Variants in ITPR2 observed in about 807,000 individuals in gnomAD.
The protein encoded by ITPR2 is inositol 1,4,5-trisphosphate receptor type 2, also known as inositol 1,4,5-trisphosphate-gated calcium channel ITPR2.
In ITPR2, 207 loss-of-function variants were observed where a neutral mutation model predicts 317.1. The observed-to-expected ratio is 0.65, with a 90% CI of 0.58 to 0.73. The LOEUF (loss-of-function observed/expected upper bound fraction) is 0.73. Ranked by LOEUF, ITPR2 falls within the 30% of genes least tolerant of loss-of-function variation. The probability of loss-of-function intolerance (pLI) is 0.00; values close to 1 mark genes in which losing one functional copy is unlikely to be tolerated. For missense variants in ITPR2, 2,613 were observed against 3,284.0 expected (o/e 0.80, Z 4.99); for synonymous variants, 1,156 against 1,149.1 (o/e 1.01, Z -0.12).
intron 37 of ITPR2, among the ~76,000 whole-genome samples, chr12:26,516,712 T>A (rs543315077): frequency 6.6e-6 from 1 of 151,934 alleles, no homozygotes; most frequent in Non-Finnish European, 1.5e-5. Context: ...GAAGAAATTG[T>A]GGAAAAAATA....
chr12:26,699,012 T>TA lies in ITPR2; in HGVS notation c.952-3363dup, dbSNP rs202185144. Among the ~76,000 whole-genome samples, 134 of 151,380 alleles carry TA rather than the reference T, an allele frequency of 8.9e-4. 1 individual carries two copies. The East Asian group carries it at 0.022, about 25-fold the overall frequency. ...AAAAATTTCAACTTTTCTTTTAAAT[T>TA]AAAAAAAATCCATCCTAAAATTTTA... On this transcript the variant is annotated intron_variant, in intron 9 of 56. Transcript: ENST00000381340.
intron 2 of ITPR2, among the ~76,000 whole-genome samples, chr12:26,774,010 T>TTTTTTTC (rs150425593): frequency 8.9e-6 from 1 of 112,112 alleles, no homozygotes; most frequent in Non-Finnish European, 1.9e-5. Flanking sequence ...TTTTTTTTTT[T>TTTTTTTC]AGTATAAAGC....
chr12:26,475,447 T>A (rs767231743), intron 44 of ITPR2, 29 bp from the exon 45 acceptor site: 3 of 1,600,024 alleles, frequency 1.9e-6, no homozygotes, highest in African/African-American at 2.7e-5. Context: ...AATATTGAAA[T>A]GCCAGAAACA....
chr12:26,555,711 G>A lies in ITPR2; in HGVS notation c.4964+522C>T, dbSNP rs114056581. 6.0e-3 allele frequency among the ~76,000 whole-genome samples: 920 copies of A among 152,180 alleles called. 12 individuals carry two copies. The highest frequency in any genetic ancestry group is 0.021 in the African/African-American group (886 of 41,536). On this transcript the variant is annotated intron_variant, in intron 36 of 56. Coordinates refer to ENST00000381340, the MANE Select transcript of ITPR2 (RefSeq NM_002223.4). ...ATCCAGGCAGCATGGCCATGTGCGG[G>A]GTCTGAGTCTTACTAACCCTGCACC... is the stretch of plus-strand genomic sequence containing the variant.
chr12:26,655,691 T>G lies in ITPR2; in HGVS notation c.2589+17A>C, dbSNP rs771040312. The G allele has an allele frequency of 3.7e-6, 6 of 1,607,202 alleles. No homozygotes were observed. Among genetic ancestry groups the G allele is most frequent in the Non-Finnish European group, 5.1e-6 (6 of 1,175,326 alleles). Reference sequence around the variant, plus strand: ...CCCAGTTACCAAAACATCCTAAATATTAGAGGGACAAAGTACCTCAAATGT... The same window carrying G: ...CCCAGTTACCAAAACATCCTAAATAGTAGAGGGACAAAGTACCTCAAATGT... On this transcript the variant is annotated intron_variant, in intron 20 of 56. Transcript: ENST00000381340.
chr12:26,719,602 C>T (rs1948798956), intron 5 of ITPR2, among the ~76,000 whole-genome samples: 1 of 152,154 alleles, frequency 6.6e-6, no homozygotes, highest in South Asian at 2.1e-4. Flanking sequence ...GCTAGAAATT[C>T]AACACTTTTT....
intron 13 of ITPR2, among the ~76,000 whole-genome samples, chr12:26,672,513 A>G (rs1220523769): frequency 2.0e-5 from 3 of 151,470 alleles, no homozygotes; most frequent in Non-Finnish European, 4.4e-5. Context: ...GAGAACAAAG[A>G]CACAACATAC....
chr12:26,678,585 C>T (rs1184840665), intron 13 of ITPR2, among the ~76,000 whole-genome samples: 4 of 152,110 alleles, frequency 2.6e-5, no homozygotes, highest in African/African-American at 4.8e-5. Flanking sequence ...TCAACTCTGC[C>T]AATAAGCTCT....
intron 52 of ITPR2, chr12:26,406,440 T>G (rs996943298): frequency 6.7e-5 from 10 of 150,052 alleles, no homozygotes; most frequent in Non-Finnish European, 1.5e-4. Context: ...TTTTTTTTTT[T>G]TTTTTTTTTT....
At chr12:26,565,293 A>G (rs1280747920) in intron 34 of ITPR2, among the ~76,000 whole-genome samples, 2 of 152,222 alleles carry the variant, frequency 1.3e-5, no homozygotes, top group Non-Finnish European at 2.9e-5. Context: ...AGCTATTTCC[A>G]TGGTTAGGAA....
intron 32 of ITPR2, among the ~76,000 whole-genome samples, chr12:26,594,068 T>C (rs966331596): frequency 6.6e-6 from 1 of 152,246 alleles, no homozygotes; most frequent in Non-Finnish European, 1.5e-5. Context: ...CTGGAGATAC[T>C]ATAGCTGGTC....
intron 21 of ITPR2, among the ~76,000 whole-genome samples, chr12:26,650,634 T>C (rs1440033600): frequency 6.6e-6 from 1 of 152,206 alleles, no homozygotes; most frequent in Non-Finnish European, 1.5e-5. Flanking sequence ...AAAATACTCT[T>C]CATGGTGAAA....
At position 26,494,193 on chromosome 12, in the gene ITPR2, A is replaced by C. The variant is rs1445198034; in HGVS notation, c.5330T>G (p.Leu1777Arg). Residue 1777 changes from leucine to arginine, a missense_variant, in exon 39 of 57, where the codon CTC becomes CGC. Leu to Arg is a moderately radical substitution (Grantham distance 102, BLOSUM62 -2). Around this residue, in one of 9 missense-constraint regions of ITPR2, gnomAD observed 926 missense variants for 1,072.8 expected, o/e 0.86. Transcript: ENST00000381340. Reference protein sequence around the residue: ...NDRIFSEGIFLGIALLEGGNT... With the variant: ...NDRIFSEGIFRGIALLEGGNT... ...TCCTCCTTCAAGCAAGGCAATGCCGAGGAAAATGCCTTCTGAAAAAATTCT... is the reference window on the plus strand; with the variant it reads ...TCCTCCTTCAAGCAAGGCAATGCCGCGGAAAATGCCTTCTGAAAAAATTCT... The C allele has an allele frequency of 6.2e-7, 1 of 1,613,424 alleles. No individual in the cohort carries two copies. The highest frequency in any genetic ancestry group is 2.2e-5 in the East Asian group (1 of 44,790).
rs1263742876 is a variant in ITPR2, at chr12:26,833,069, C to T, written c.-288G>A. ...CGCCTCCCCGGCAGGTTTCCTGTTC[C>T]TTTCTGAAGTTTTCTCTCCAACACC... On this transcript the variant is annotated 5_prime_UTR_variant, in exon 1 of 57. Coordinates refer to ENST00000381340, the MANE Select transcript of ITPR2 (RefSeq NM_002223.4). 9.7e-6 allele frequency: 4 copies of T among 410,312 alleles called. No homozygotes were observed. The highest frequency in any genetic ancestry group is 1.7e-5 in the Non-Finnish European group (4 of 232,494). 25.4% of individuals were successfully genotyped at this position (410,312 alleles called of 1,614,324 possible). A position where few individuals can be genotyped will look rare whatever the true frequency, so the allele number is the denominator to read the frequency against.
intron 48 of ITPR2, among the ~76,000 whole-genome samples, chr12:26,430,539 C>T (rs1387943995): frequency 3.3e-5 from 5 of 152,310 alleles, no homozygotes; most frequent in Admixed American, 1.3e-4. Flanking sequence ...GCTGGGATTA[C>T]GGGCATGAGC....
intron 13 of ITPR2, among the ~76,000 whole-genome samples, chr12:26,667,183 G>A (rs1435088458): frequency 6.6e-6 from 1 of 152,124 alleles, no homozygotes; most frequent in Non-Finnish European, 1.5e-5. Context: ...ACAATTCCAG[G>A]AAAGTATAGA....
chr12:26,507,292 A>T (rs561341531), intron 37 of ITPR2, among the ~76,000 whole-genome samples: 3 of 152,248 alleles, frequency 2.0e-5, no homozygotes, highest in Non-Finnish European at 4.4e-5. Flanking sequence ...ATGAGGTCTC[A>T]GTTCAAACAA....
At chr12:26,642,566 A>G (rs914032076) in intron 21 of ITPR2, among the ~76,000 whole-genome samples, 2 of 152,170 alleles carry the variant, frequency 1.3e-5, no homozygotes, top group African/African-American at 4.8e-5. Flanking sequence ...GTGAGCAATA[A>G]ATTTCTGTTC....
intron 55 of ITPR2, among the ~76,000 whole-genome samples, chr12:26,351,675 G>C (rs1409391735): frequency 6.6e-6 from 1 of 152,064 alleles, no homozygotes; most frequent in African/African-American, 2.4e-5. Flanking sequence ...GAGACTGTTG[G>C]GGACACCAGC....
Sources: allele counts gnomAD v4.1 joint callset (sites outside exome capture counted in the v4.1 genomes callset), GRCh38; gene constraint gnomAD v4.1.1; regional missense constraint gnomAD v4.1.1; transcripts MANE v1.5; gene names NCBI Gene and HGNC (gene_info 2026-07-23, HGNC 2026-07-21).